Variants in RIMBP2 observed in about 807,000 individuals in gnomAD.
RIMBP2 encodes RIMS binding protein 2.
RIMBP2 carries 48 observed loss-of-function variants against 118.6 expected under a neutral mutation model. The observed-to-expected ratio is 0.40, with a 90% confidence interval of 0.32 to 0.51. The LOEUF is 0.51. RIMBP2 is among the 20% of genes least tolerant of loss of function. The pLI is 0.41. For synonymous variants in RIMBP2, 762 were observed against 742.9 expected, an observed-to-expected ratio of 1.03 and a Z score of -0.42; for missense variants, 1,551 against 1,768.3, an observed-to-expected ratio of 0.88 and a Z score of 2.20.
chr12:130,522,892 C>A (rs541547335), intron 2 of RIMBP2, among the ~76,000 whole-genome samples: 1 of 152,276 alleles, frequency 6.6e-6, no homozygotes. Flanking sequence ...GTCATGAGAT[C>A]CTAATCCAAC....
chr12:130,450,169 G>A lies in RIMBP2; in HGVS notation c.581+31C>T. The A allele has an allele frequency of 6.7e-7, 1 of 1,493,700 alleles. No individual in the cohort carries two copies. Among genetic ancestry groups the A allele is most frequent in the South Asian group, 1.2e-5 (1 of 85,300 alleles). 92.5% of individuals were successfully genotyped at this position (1,493,700 alleles called of 1,614,324 possible). ...ACATCTCATCTGCCCCACTCACAGG[G>A]GCTCGGTGGACGCCGAGGGGCCGCA... On this transcript the variant is annotated intron_variant, in intron 9 of 22. Transcript: ENST00000690449. This position sits in a 1 kb window ranked among gnomAD's most constrained non-coding sequence, Gnocchi z 4.8.
At chr12:130,610,174 CCG>C (rs2060436634) in intron 2 of RIMBP2, among the ~76,000 whole-genome samples, 2 of 151,930 alleles carry the variant, frequency 1.3e-5, no homozygotes, top group African/African-American at 4.8e-5. Flanking sequence ...CCGGTCCCTC[CCG>C]TTCTGGGGGA....
At chr12:130,582,936 T>G (rs2058573684) in intron 2 of RIMBP2, among the ~76,000 whole-genome samples, 1 of 152,240 alleles carries the variant, frequency 6.6e-6, no homozygotes, top group Admixed American at 6.5e-5. Flanking sequence ...TGTGACTGAC[T>G]GTAAAAGCAT....
intron 17 of RIMBP2, among the ~76,000 whole-genome samples, chr12:130,416,079 T>C (rs2076086226): frequency 6.6e-6 from 1 of 152,098 alleles, no homozygotes; most frequent in Non-Finnish European, 1.5e-5. Context: ...CTGAGAGAAG[T>C]CATAGATCAC....
At chr12:130,519,723 G>T (rs2051873082) in intron 2 of RIMBP2, among the ~76,000 whole-genome samples, 1 of 152,178 alleles carries the variant, frequency 6.6e-6, no homozygotes, top group South Asian at 2.1e-4. Context: ...GAGAATTTGA[G>T]AACAAGAGAC....
At chr12:130,483,713 CACACA>C (rs2082230268) in intron 4 of RIMBP2, among the ~76,000 whole-genome samples, 1 of 127,292 alleles carries the variant, frequency 7.9e-6, no homozygotes, top group African/African-American at 3.2e-5. Context: ...CCCTCACCTA[CACACA>C]GTGCCCAGAG....
intron 1 of RIMBP2, among the ~76,000 whole-genome samples, chr12:130,664,393 A>ACACACACGCACGCACGCACGCACG (rs1566438809): frequency 1.7e-5 from 1 of 58,420 alleles, no homozygotes; most frequent in African/African-American, 4.8e-5. Context: ...GCGCATGCAC[A>ACACACACGCACGCACGCACGCACG]CACACGCACG....
intron 21 of RIMBP2, among the ~76,000 whole-genome samples, chr12:130,404,304 TTTTG>T (rs2074947802): frequency 6.6e-6 from 1 of 152,180 alleles, no homozygotes; most frequent in Admixed American, 6.5e-5. Context: ...TATAATTCCT[TTTTG>T]TTTGTTTTTG....
intron 2 of RIMBP2, among the ~76,000 whole-genome samples, chr12:130,613,126 C>T (rs748043144): frequency 5.3e-5 from 8 of 152,322 alleles, no homozygotes; most frequent in Middle Eastern, 6.8e-3. Context: ...TTTGGAAAGT[C>T]GCATCTGTCA....
At chr12:130,518,504 T>G (rs1443607723) in intron 2 of RIMBP2, among the ~76,000 whole-genome samples, 2 of 152,194 alleles carry the variant, frequency 1.3e-5, no homozygotes, top group Non-Finnish European at 2.9e-5. Flanking sequence ...GGTCACCACA[T>G]GACCTGAGGC....
intron 6 of RIMBP2, among the ~76,000 whole-genome samples, chr12:130,457,976 A>G (rs1350482315): frequency 6.6e-6 from 1 of 152,120 alleles, no homozygotes; most frequent in Non-Finnish European, 1.5e-5. Flanking sequence ...CGTTTCCCCC[A>G]GTGAAATGTC....
intron 3 of RIMBP2, among the ~76,000 whole-genome samples, chr12:130,512,529 G>A (rs1262808060): frequency 3.3e-5 from 5 of 152,132 alleles, no homozygotes; most frequent in South Asian, 2.1e-4. Flanking sequence ...CTCCATGTTG[G>A]CCAGGCTGGT....
In RIMBP2 at chr12:130,434,721, G is replaced by C. The variant is rs375124842; in HGVS notation, c.2253+13C>G. The C allele has an allele frequency of 6.2e-7, 1 of 1,610,360 alleles. No individual in the cohort carries two copies. Among genetic ancestry groups the C allele is most frequent in the South Asian group, 1.1e-5 (1 of 90,922 alleles). ...CCACCAGGAGGATGGTGTGGGGCCC[G>C]GCCCGCTCTCACCTGCTTGCCAAGT... On this transcript the variant is annotated intron_variant, in intron 14 of 22. Transcript: ENST00000690449. The surrounding 1 kb of genome is among the most constrained non-coding windows in gnomAD (Gnocchi z 5.7).
At chr12:130,415,203 A>G (rs2076028317) in intron 17 of RIMBP2, among the ~76,000 whole-genome samples, 1 of 152,250 alleles carries the variant, frequency 6.6e-6, no homozygotes, top group South Asian at 2.1e-4. Flanking sequence ...ACAATTCACC[A>G]TGATCAAGTA....
At chr12:130,698,885 A>G (rs2065700442) in intron 1 of RIMBP2, among the ~76,000 whole-genome samples, 1 of 152,294 alleles carries the variant, frequency 6.6e-6, no homozygotes, top group South Asian at 2.1e-4. Context: ...AATTTACAAG[A>G]AAAAAACAAA....
intron 4 of RIMBP2, among the ~76,000 whole-genome samples, chr12:130,504,395 T>C (rs2050106147): frequency 6.6e-6 from 1 of 152,122 alleles, no homozygotes; most frequent in South Asian, 2.1e-4. Context: ...CAAATCAGGT[T>C]GATTGAAACT....
chr12:130,645,535 C>T (rs2062827640), intron 1 of RIMBP2, among the ~76,000 whole-genome samples: 1 of 152,226 alleles, frequency 6.6e-6, no homozygotes, highest in Non-Finnish European at 1.5e-5. Context: ...GGGCAGAGAA[C>T]TCAAGCCAGT....
intron 2 of RIMBP2, among the ~76,000 whole-genome samples, chr12:130,543,539 G>A (rs1305867407): frequency 2.6e-5 from 4 of 152,164 alleles, no homozygotes; most frequent in Admixed American, 2.6e-4. Flanking sequence ...CAGTGAGCTT[G>A]GGGACTCAAA....
At chr12:130,432,225 C>T (rs775991180) in intron 14 of RIMBP2, 3 of 456,524 alleles carry the variant, frequency 6.6e-6, no homozygotes, top group South Asian at 4.6e-5. Context: ...GGAAACAGGT[C>T]TTCTTCAGGC....
Sources: gnomAD v4.1 joint callset for allele counts (sites outside exome capture counted in the v4.1 genomes callset) on GRCh38, gnomAD v4.1.1 for gene constraint, Gnocchi (gnomAD v3.1) non-coding constraint, MANE v1.5 for transcripts, NCBI Gene and HGNC (gene_info 2026-07-23, HGNC 2026-07-21) for gene names.